The following CHN1 variants were observed in gnomAD, a reference collection of about 807,000 sequenced individuals.
The protein encoded by CHN1 is chimerin 1, also known as N-chimaerin.
In CHN1, 37 loss-of-function variants were observed where a neutral mutation model predicts 59.5. The observed-to-expected ratio is 0.62, with a 90% CI of 0.48 to 0.82. The LOEUF is 0.82. CHN1 is among the 40% of genes least tolerant of loss of function. The probability of loss-of-function intolerance (pLI) is 0.00; values close to 1 mark genes in which losing one functional copy is unlikely to be tolerated. For missense variants in CHN1, 469 were observed against 571.0 expected (o/e 0.82, Z 1.82); for synonymous variants, 206 against 200.4 (o/e 1.03, Z -0.24).
intron 1 of CHN1, among the ~76,000 whole-genome samples, chr2:174,995,456 T>A (rs1691676401): frequency 6.6e-6 from 1 of 152,208 alleles, no homozygotes; most frequent in Non-Finnish European, 1.5e-5. Context: ...AATTTTTCCA[T>A]GGACGGTGGG....
chr2:174,872,192 G>A (rs1327039070), intron 6 of CHN1, among the ~76,000 whole-genome samples: 1 of 152,168 alleles, frequency 6.6e-6, no homozygotes, highest in Non-Finnish European at 1.5e-5. Context: ...GCTAAGGCAG[G>A]AGGATCGCTT....
intron 8 of CHN1, among the ~76,000 whole-genome samples, chr2:174,813,924 G>A (rs76065985): frequency 0.081 from 12,393 of 152,236 alleles, 641 homozygotes; most frequent in Non-Finnish European, 0.13. Context: ...TAAAATGCTA[G>A]ACAAATGCTG....
chr2:174,955,125 CTA>C (rs1690152762), intron 1 of CHN1, among the ~76,000 whole-genome samples: 1 of 146,628 alleles, frequency 6.8e-6, no homozygotes, highest in Non-Finnish European at 1.5e-5. Flanking sequence ...ATCTATAGAT[CTA>C]ATATAGATCT....
intron 5 of CHN1, among the ~76,000 whole-genome samples, chr2:174,893,937 T>C (rs966845683): frequency 3.3e-5 from 5 of 152,122 alleles, no homozygotes; most frequent in Non-Finnish European, 7.4e-5. Flanking sequence ...AAAGGAATCA[T>C]CTGTATACAC....
rs943809397 is a variant in CHN1 at position 174,867,391 on chromosome 2, A to G, written c.549+10449T>C. ...GAGACTCTGTCTCAAAAAAAAAAAA[A>G]GATTACTTCAGGAAGATTTATTGTT... is the stretch of plus-strand genomic sequence containing the variant. On this transcript the variant is annotated intron_variant, in intron 6 of 12. Transcript: ENST00000409900. 2.0e-5 allele frequency among the ~76,000 whole-genome samples: 3 copies of G among 152,054 alleles called. No homozygotes were observed. In the South Asian group the frequency reaches 6.2e-4, roughly 32 times the overall value.
intron 1 of CHN1, among the ~76,000 whole-genome samples, chr2:174,986,862 G>A (rs936065429): frequency 2.6e-5 from 4 of 152,024 alleles, no homozygotes; most frequent in African/African-American, 4.8e-5. Context: ...TCAGCCTCCC[G>A]AGTAGCTGGG....
intron 4 of CHN1, among the ~76,000 whole-genome samples, chr2:174,915,988 G>A (rs954715991): frequency 6.6e-6 from 1 of 152,176 alleles, no homozygotes; most frequent in East Asian, 1.9e-4. Flanking sequence ...CCACTTTGCT[G>A]TATCGAGTAT....
rs556686224 is a variant in CHN1, at chr2:174,980,444, T to A, written c.19+24450A>T. ...CCTCAGAACATAAAAATACCCAGAGTCCTGTTTATACATGTGAAAATTTTT... is the reference window on the plus strand; with the variant it reads ...CCTCAGAACATAAAAATACCCAGAGACCTGTTTATACATGTGAAAATTTTT... On this transcript the variant is annotated intron_variant, in intron 1 of 12. Transcript: ENST00000409900. 2.6e-5 allele frequency among the ~76,000 whole-genome samples: 4 copies of A among 152,262 alleles called. No individual in the cohort carries two copies. The East Asian group carries it at 7.7e-4, about 29-fold the overall frequency.
chr2:174,868,615 C>A (rs1402612660), intron 6 of CHN1, among the ~76,000 whole-genome samples: 2 of 152,164 alleles, frequency 1.3e-5, no homozygotes, highest in East Asian at 1.9e-4. Flanking sequence ...CAATTACATT[C>A]CAATAGGTTT....
chr2:174,926,833 C>G (rs1423020260), intron 3 of CHN1, among the ~76,000 whole-genome samples: 2 of 151,820 alleles, frequency 1.3e-5, no homozygotes, highest in Non-Finnish European at 2.9e-5. Context: ...TCTCGGCTCA[C>G]TGCAAGCTCC....
intron 5 of CHN1, among the ~76,000 whole-genome samples, chr2:174,901,934 A>G (rs1688398934): frequency 6.6e-6 from 1 of 152,184 alleles, no homozygotes; most frequent in South Asian, 2.1e-4. Flanking sequence ...AACTTCTCAT[A>G]TATTTATCAA....
intron 3 of CHN1, among the ~76,000 whole-genome samples, chr2:174,934,296 T>C (rs1689435844): frequency 6.6e-6 from 1 of 152,182 alleles, no homozygotes; most frequent in African/African-American, 2.4e-5. Context: ...GGCATTAGAT[T>C]TTCATAAGAA....
chr2:174,938,423 G>T (rs1490961463), intron 3 of CHN1, among the ~76,000 whole-genome samples: 2 of 152,094 alleles, frequency 1.3e-5, no homozygotes, highest in African/African-American at 4.8e-5. Flanking sequence ...ATTAGCATTA[G>T]TGGCTTATAA....
rs780111241 is a variant in CHN1, at chr2:174,918,578, C to CA, written c.115-14dup. 40 of 1,581,568 alleles carry CA rather than the reference C, an allele frequency of 2.5e-5. No individual in the cohort carries two copies. The highest frequency in any genetic ancestry group is 6.8e-5 in the East Asian group (3 of 44,048). On this transcript the variant is annotated splice_polypyrimidine_tract_variant and intron_variant, in intron 3 of 12. Transcript: ENST00000409900. ...GTCTGTTTTCCACCTATTGGGAAAGCAAAAAAACAGGCATATTTGTAAAAA... is the reference window on the plus strand; with the variant it reads ...GTCTGTTTTCCACCTATTGGGAAAGCAAAAAAAACAGGCATATTTGTAAAAA...
At chr2:175,004,717 A>G (rs1255112224) in intron 1 of CHN1, among the ~76,000 whole-genome samples, 177 bp downstream of exon 1, 1 of 151,756 alleles carries the variant, frequency 6.6e-6, no homozygotes, top group African/African-American at 2.4e-5. Context: ...AGAGGAAACA[A>G]TGGGAGAGGC....
chr2:174,937,457 T>C (rs1689532049), intron 3 of CHN1, among the ~76,000 whole-genome samples: 1 of 152,226 alleles, frequency 6.6e-6, no homozygotes, highest in East Asian at 1.9e-4. Context: ...CTGGATCCAT[T>C]TTAAAAATTA....
chr2:174,985,288 C>T (rs1691302299), intron 1 of CHN1, among the ~76,000 whole-genome samples: 1 of 152,098 alleles, frequency 6.6e-6, no homozygotes. Context: ...TCCCTAATGA[C>T]AATGTTAATG....
At position 174,799,281 on chromosome 2, in the gene CHN1, A is replaced by G. The variant is rs1283726252; in HGVS notation, c.*835T>C. 2 of 310,854 alleles carry G rather than the reference A, an allele frequency of 6.4e-6. No homozygotes were observed. Among genetic ancestry groups the G allele is most frequent in the East Asian group, 1.3e-4 (2 of 15,740 alleles). The allele number at this position is 310,854 out of a possible 1,614,324, so 19.3% of individuals were successfully genotyped here. Reference sequence around the variant, plus strand: ...AGCAGTTTTAAATGATTATTTTAGAAGCTTATCACTTTTAACAGTAAACAA... The same window carrying G: ...AGCAGTTTTAAATGATTATTTTAGAGGCTTATCACTTTTAACAGTAAACAA... On this transcript the variant is annotated 3_prime_UTR_variant, in exon 13 of 13. Transcript: ENST00000409900.
At chr2:174,851,938 A>G (rs1370608797) in intron 6 of CHN1, among the ~76,000 whole-genome samples, 1 of 152,180 alleles carries the variant, frequency 6.6e-6, no homozygotes, top group Non-Finnish European at 1.5e-5. Context: ...AAAAATCAGT[A>G]GCATTTCTAT....
Sources: allele counts gnomAD v4.1 joint callset (sites outside exome capture counted in the v4.1 genomes callset), GRCh38; gene constraint gnomAD v4.1.1; transcripts MANE v1.5; gene names NCBI Gene and HGNC (gene_info 2026-07-23, HGNC 2026-07-21).